SPECC1: variants seen among roughly 807,000 people sequenced by gnomAD.
The protein encoded by SPECC1 is sperm antigen with calponin homology and coiled-coil domains 1, also known as cytospin-B.
In SPECC1, 62 loss-of-function variants were observed where a neutral mutation model predicts 104.1. The observed-to-expected ratio is 0.60, with a 90% confidence interval of 0.49 to 0.74. The LOEUF (loss-of-function observed/expected upper bound fraction) is 0.74, where lower values mean the gene tolerates loss of function less well. Ranked by LOEUF, SPECC1 falls within the 30% of genes least tolerant of loss-of-function variation. The pLI is 0.00. For missense variants in SPECC1, 1,306 were observed against 1,310.5 expected (o/e 1.00, Z 0.05); for synonymous variants, 513 against 501.6 (o/e 1.02, Z -0.30).
chr17:20,013,841 A>G (rs2044025746), intron 1 of SPECC1, among the ~76,000 whole-genome samples: 1 of 152,172 alleles, frequency 6.6e-6, no homozygotes, highest in South Asian at 2.1e-4. Flanking sequence ...ATGCCATTGT[A>G]TATATCCCTA....
chr17:20,087,639 A>G (rs1307230050), intron 1 of SPECC1, among the ~76,000 whole-genome samples: 4 of 152,102 alleles, frequency 2.6e-5, no homozygotes, highest in Non-Finnish European at 5.9e-5. Context: ...AGTGAAAGCC[A>G]GAATCTAAGT....
At chr17:20,038,176 T>G (rs2045169409) in intron 1 of SPECC1, among the ~76,000 whole-genome samples, 1 of 152,056 alleles carries the variant, frequency 6.6e-6, no homozygotes, top group South Asian at 2.1e-4. Flanking sequence ...AGTACTTTGT[T>G]TCACTGATTT....
At chr17:20,241,460 TGG>T (rs1473118164) in intron 7 of SPECC1, among the ~76,000 whole-genome samples, 2 of 152,140 alleles carry the variant, frequency 1.3e-5, no homozygotes, top group Non-Finnish European at 2.9e-5. Flanking sequence ...CCCTCTAGGG[TGG>T]GGGACATTAG....
At chr17:20,288,605 A>G (rs1285884963) in intron 12 of SPECC1, among the ~76,000 whole-genome samples, 2 of 152,222 alleles carry the variant, frequency 1.3e-5, no homozygotes, top group Admixed American at 6.5e-5. Context: ...GAGGTTGCAG[A>G]GAAAAATGAA....
intron 1 of SPECC1, among the ~76,000 whole-genome samples, chr17:20,071,392 G>A (rs2046548350): frequency 6.6e-6 from 1 of 152,200 alleles, no homozygotes; most frequent in Admixed American, 6.5e-5. Context: ...GTTTGTGTGT[G>A]TGTGTGTGTG....
In SPECC1 at chr17:20,247,402, G is replaced by A. The variant is rs879894055; in HGVS notation, c.2598+83G>A. ...TTTTTCTTTACACATATTAGTGTCC[G>A]TGTGTGTATGTGTGTGTGTAGAGTA... On this transcript the variant is annotated intron_variant, in intron 9 of 14. Coordinates refer to ENST00000395527, the MANE Select transcript of SPECC1 (RefSeq NM_001243439.2). The A allele has an allele frequency of 9.3e-5, 76 of 819,900 alleles. 1 individual carries two copies. Among genetic ancestry groups the A allele is most frequent in the South Asian group, 1.2e-4 (7 of 59,342 alleles). The allele number at this position is 819,900 out of a possible 1,614,324, so 50.8% of individuals were successfully genotyped here. A position where few individuals can be genotyped will look rare whatever the true frequency, so the allele number is the denominator to read the frequency against.
chr17:20,052,407 A>G (rs577944428), intron 1 of SPECC1, among the ~76,000 whole-genome samples: 1 of 152,366 alleles, frequency 6.6e-6, no homozygotes, highest in South Asian at 2.1e-4. Context: ...ATACCTCTGA[A>G]AGGTCATACA....
intron 1 of SPECC1, among the ~76,000 whole-genome samples, chr17:20,077,953 G>A (rs1037424853): frequency 7.2e-5 from 11 of 152,044 alleles, no homozygotes; most frequent in South Asian, 4.2e-4. Flanking sequence ...GGTTGTTGGA[G>A]TGAGGAAACA....
chr17:20,267,110 C>T (rs564179999), intron 12 of SPECC1, among the ~76,000 whole-genome samples: 103 of 152,230 alleles, frequency 6.8e-4, no homozygotes, highest in Middle Eastern at 3.4e-3. Context: ...GAAGTGAGGC[C>T]CAGTTCACTA....
rs1044870110 is a variant in SPECC1, at chr17:20,260,223, G to A, written c.2869G>A (p.Ala957Thr). The A allele has an allele frequency of 1.9e-6, 3 of 1,613,784 alleles. No individual in the cohort carries two copies. The African/African-American group carries it at 4.0e-5, about 22-fold the overall frequency. ...AAGAAAAGACCCTCTGGCAGCCTTG[G>A]CCCGGGAATACGGTGGTTCCAAGCG... is the stretch of plus-strand genomic sequence containing the variant. ...VERKDPLAAL[A>T]REYGGSKRNA... is the part of the protein sequence containing the mutation. Residue 957 changes from alanine to threonine, a missense_variant, in exon 12 of 15, where the codon GCC becomes ACC. Physicochemically the swap from Ala to Thr is moderately conservative, Grantham distance 58. This residue lies in a region of SPECC1 where 129 missense variants were observed against 170.6 expected (regional missense o/e 0.76). Transcript: ENST00000395527.
chr17:20,086,399 C>T lies in SPECC1; in HGVS notation c.-21-10232C>T, dbSNP rs186196334. 2.6e-5 allele frequency among the ~76,000 whole-genome samples: 4 copies of T among 152,334 alleles called. No homozygotes were observed. In the East Asian group the frequency reaches 7.7e-4, roughly 29 times the overall value. On this transcript the variant is annotated intron_variant, in intron 1 of 14. Transcript: ENST00000395527. Reference sequence around the variant, plus strand: ...GCCAGGGACCCTCCTCAGCCAGCCTCTTCACATGCCGAGGCCACAGCACTC... The same window carrying T: ...GCCAGGGACCCTCCTCAGCCAGCCTTTTCACATGCCGAGGCCACAGCACTC...
At chr17:20,128,557 T>C (rs1452100829) in intron 3 of SPECC1, among the ~76,000 whole-genome samples, 1 of 152,212 alleles carries the variant, frequency 6.6e-6, no homozygotes, top group Non-Finnish European at 1.5e-5. Context: ...TATTCTGATA[T>C]AATTAAATAT....
chr17:20,175,307 A>C (rs2034397847), intron 3 of SPECC1, among the ~76,000 whole-genome samples: 1 of 152,204 alleles, frequency 6.6e-6, no homozygotes, highest in African/African-American at 2.4e-5. Context: ...TCATCATCTA[A>C]GCGTGAATAC....
chr17:20,066,215 A>C (rs1378777180), intron 1 of SPECC1, among the ~76,000 whole-genome samples: 1 of 152,034 alleles, frequency 6.6e-6, no homozygotes, highest in Middle Eastern at 3.2e-3. Context: ...CTCTCTGAGG[A>C]CTCTTATTCT....
chr17:20,156,219 C>CCGA, intron 3 of SPECC1: 1 of 1,415,272 alleles, frequency 7.1e-7, no homozygotes, highest in Non-Finnish European at 9.2e-7. Flanking sequence ...TCAGGACGGC[C>CCGA]CGAGGATCCG....
chr17:20,200,062 C>A (rs1675901688), intron 3 of SPECC1, among the ~76,000 whole-genome samples: 1 of 152,158 alleles, frequency 6.6e-6, no homozygotes, highest in African/African-American at 2.4e-5. Context: ...AATGTAGTAC[C>A]CATTCTAACA....
chr17:20,131,525 C>T (rs987836803), intron 3 of SPECC1, among the ~76,000 whole-genome samples: 1 of 151,764 alleles, frequency 6.6e-6, no homozygotes, highest in Non-Finnish European at 1.5e-5. Context: ...CTTTTATTTC[C>T]TTTTCATGTC....
At chr17:20,132,351 T>G (rs1459457928) in intron 3 of SPECC1, among the ~76,000 whole-genome samples, 1 of 152,232 alleles carries the variant, frequency 6.6e-6, no homozygotes. Context: ...TTGCATTTTT[T>G]GTACTGACAT....
chr17:20,233,206 GT>G (rs755800830), intron 7 of SPECC1, among the ~76,000 whole-genome samples: 14 of 152,148 alleles, frequency 9.2e-5, no homozygotes, highest in Non-Finnish European at 1.9e-4. Flanking sequence ...GAATTTTTAG[GT>G]GTCTCTCAAA....
Sources: allele counts gnomAD v4.1 joint callset (sites outside exome capture counted in the v4.1 genomes callset), GRCh38; gene constraint gnomAD v4.1.1; regional missense constraint gnomAD v4.1.1; transcripts MANE v1.5; gene names NCBI Gene and HGNC (gene_info 2026-07-23, HGNC 2026-07-21).